CDH1: variants seen among roughly 807,000 people sequenced by gnomAD.
The protein encoded by CDH1 is cadherin-1.
CDH1 carries 35 observed loss-of-function variants against 84.5 expected under a neutral mutation model. The ratio of observed to expected loss-of-function variants is 0.41; its 90% CI spans 0.32 to 0.55. CDH1 has a LOEUF of 0.55. CDH1 is among the 20% of genes least tolerant of loss of function. The pLI is 0.19. For missense variants in CDH1, 994 were observed against 1,126.6 expected, an observed-to-expected ratio of 0.88 and a Z score of 1.68; for synonymous variants, 417 against 439.0, an observed-to-expected ratio of 0.95 and a Z score of 0.63.
intron 2 of CDH1, among the ~76,000 whole-genome samples, chr16:68,762,237 G>A (rs1348510670): frequency 6.6e-6 from 1 of 152,114 alleles, no homozygotes; most frequent in Non-Finnish European, 1.5e-5. Context: ...CATCTTCGTT[G>A]TTGCTACCTC....
chr16:68,742,380 A>T (rs1375052146), intron 2 of CDH1: 1 of 151,830 alleles, frequency 6.6e-6, no homozygotes, highest in Non-Finnish European at 1.5e-5. Context: ...CCCAGGTTCC[A>T]GTGATTCTCC....
At chr16:68,773,190 C>T (rs143953450) in intron 2 of CDH1, among the ~76,000 whole-genome samples, 365 of 152,032 alleles carry the variant, frequency 2.4e-3, no homozygotes, top group Middle Eastern at 6.9e-3. Context: ...TGTGTGTTCC[C>T]GTGCTTCAGC....
rs140804508 is a variant in CDH1 at position 68,759,511 on chromosome 16, A to G, written c.163+21100A>G. On this transcript the variant is annotated intron_variant, in intron 2 of 15. Transcript: ENST00000261769. Reference sequence around the variant, plus strand: ...TCTTTTTTTTTTTTTTTTGGTTGAGATGGAATTTTGCTCTGTTGCCTGGGC... The same window carrying G: ...TCTTTTTTTTTTTTTTTTGGTTGAGGTGGAATTTTGCTCTGTTGCCTGGGC... Among the ~76,000 whole-genome samples the G allele has an allele frequency of 6.8e-4, 90 of 132,638 alleles. 1 individual carries two copies. The East Asian group carries it at 0.019, about 28-fold the overall frequency. The allele number at this position is 132,638 out of a possible 152,430, so 87.0% of individuals were successfully genotyped here.
chr16:68,738,502 GGGCA>G lies in CDH1; in HGVS notation c.163+92_163+95del, dbSNP rs1306786059. 10 of 810,238 alleles carry G rather than the reference GGGCA, an allele frequency of 1.2e-5. No homozygotes were observed. In the African/African-American group the frequency reaches 1.6e-4, roughly 13 times the overall value. The allele number at this position is 810,238 out of a possible 1,614,324, so 50.2% of individuals were successfully genotyped here. A position where few individuals can be genotyped will look rare whatever the true frequency, so the allele number is the denominator to read the frequency against. On this transcript the variant is annotated intron_variant, in intron 2 of 15. Transcript: ENST00000261769. Reference sequence around the variant, plus strand: ...CACTCCCACACCCCTGGGTTGCAATGGGCAAGCTCCCTCCTTGGCTCAAACGACA... The same window carrying G: ...CACTCCCACACCCCTGGGTTGCAATGAGCTCCCTCCTTGGCTCAAACGACA...
chr16:68,761,202 G>C (rs1230162293), intron 2 of CDH1, among the ~76,000 whole-genome samples: 2 of 152,206 alleles, frequency 1.3e-5, no homozygotes, highest in Non-Finnish European at 2.9e-5. Context: ...AGGCTAGCAA[G>C]CTGGGAGAAC....
At position 68,801,857 on chromosome 16, in the gene CDH1, T is replaced by C. The variant is rs1555514475; in HGVS notation, c.351T>C (p.Asn117=). ...YRKFSTKVTL[N]TVGHHHRPPP... is the part of the protein sequence containing the mutation. ...AGTTTTCCACCAAAGTCACGCTGAA[T>C]ACAGTGGGGCACCACCACCGCCCCC... Residue 117 remains asparagine, a synonymous_variant, in exon 3 of 16, where the codon AAT becomes AAC. Coordinates refer to ENST00000261769, the MANE Select transcript of CDH1 (RefSeq NM_004360.5). 1 of 1,614,222 alleles carries C rather than the reference T, an allele frequency of 6.2e-7. No homozygotes were observed. Among genetic ancestry groups the C allele is most frequent in the Non-Finnish European group, 8.5e-7 (1 of 1,180,036 alleles).
rs552242888 is a variant in CDH1, at chr16:68,757,475, C to T, written c.163+19064C>T. Among the ~76,000 whole-genome samples the T allele has an allele frequency of 7.9e-5, 12 of 152,270 alleles. No individual in the cohort carries two copies. The South Asian group carries it at 2.1e-3, about 26-fold the overall frequency. On this transcript the variant is annotated intron_variant, in intron 2 of 15. Transcript: ENST00000261769. ...TTTTTCATTCTTCTTTCTGCTAATC[C>T]TCTCACTTCCACCATGGGAGTGTTT...
intron 2 of CDH1, among the ~76,000 whole-genome samples, chr16:68,753,495 T>C (rs978093264): frequency 6.6e-6 from 1 of 151,816 alleles, no homozygotes; most frequent in African/African-American, 2.4e-5. Flanking sequence ...TTAGCCACCA[T>C]GCCCGGCTAA....
Position 68,834,234 on chromosome 16 carries a change from A to G in CDH1, c.*735A>G. ...CTCCCAGAGTATTGGGATTACAGAC[A>G]TGAGCCACTGCACCTGCCCAGCTCC... On this transcript the variant is annotated 3_prime_UTR_variant, in exon 16 of 16. Coordinates refer to ENST00000261769, the MANE Select transcript of CDH1 (RefSeq NM_004360.5). The G allele has an allele frequency of 3.9e-6, 2 of 506,336 alleles. No individual in the cohort carries two copies. Among genetic ancestry groups the G allele is most frequent in the South Asian group, 3.1e-5 (2 of 64,940 alleles). 31.4% of individuals were successfully genotyped at this position (506,336 alleles called of 1,614,324 possible).
At chr16:68,798,910 T>C (rs1472594257) in intron 2 of CDH1, among the ~76,000 whole-genome samples, 1 of 152,216 alleles carries the variant, frequency 6.6e-6, no homozygotes, top group Non-Finnish European at 1.5e-5. Flanking sequence ...TTCATCATCT[T>C]ATGGCTCAGC....
At chr16:68,810,116 C>A (rs748002263) in intron 5 of CDH1, 81 bp from the exon 6 acceptor site, 1 of 1,470,954 alleles carries the variant, frequency 6.8e-7, no homozygotes, top group Non-Finnish European at 9.5e-7. Context: ...GCCAGGGGGG[C>A]GCACTCTGCT....
At chr16:68,801,132 G>A (rs575877955) in intron 2 of CDH1, among the ~76,000 whole-genome samples, 29 of 152,104 alleles carry the variant, frequency 1.9e-4, no homozygotes, top group African/African-American at 5.3e-4. Flanking sequence ...TATTTTTTGA[G>A]ATGGAGTCTC....
chr16:68,794,853 T>A (rs1160751754), intron 2 of CDH1, among the ~76,000 whole-genome samples: 1 of 48,916 alleles, frequency 2.0e-5, no homozygotes, highest in Non-Finnish European at 4.1e-5. Context: ...TGCCCAGCTA[T>A]TTTTTTTTTT....
chr16:68,778,061 T>C (rs1959782776), intron 2 of CDH1, among the ~76,000 whole-genome samples: 1 of 151,532 alleles, frequency 6.6e-6, no homozygotes, highest in African/African-American at 2.4e-5. Context: ...TATTTATTTA[T>C]TTTTGAGACG....
chr16:68,772,330 A>C (rs1257699412), intron 2 of CDH1, among the ~76,000 whole-genome samples: 1 of 152,110 alleles, frequency 6.6e-6, no homozygotes, highest in Non-Finnish European at 1.5e-5. Flanking sequence ...CTTCCTCTCT[A>C]ATTTATGGTT....
chr16:68,741,827 A>C (rs1962570900), intron 2 of CDH1, among the ~76,000 whole-genome samples: 1 of 152,076 alleles, frequency 6.6e-6, no homozygotes, highest in Non-Finnish European at 1.5e-5. Flanking sequence ...TTGCAGGCAC[A>C]TGCCACCATG....
chr16:68,830,397 A>G (rs1462402314), intron 15 of CDH1, among the ~76,000 whole-genome samples: 2 of 152,152 alleles, frequency 1.3e-5, no homozygotes, highest in African/African-American at 4.8e-5. Flanking sequence ...AGTAAATTTC[A>G]TTTTAGTTTC....
At chr16:68,832,688 C>T (rs753568108) in intron 15 of CDH1, among the ~76,000 whole-genome samples, 2 of 151,036 alleles carry the variant, frequency 1.3e-5, no homozygotes, top group East Asian at 2.0e-4. Flanking sequence ...GGCATGGTGG[C>T]GCATGCCTGT....
chr16:68,784,106 TG>T (rs1448091036), intron 2 of CDH1, among the ~76,000 whole-genome samples: 1 of 152,216 alleles, frequency 6.6e-6, no homozygotes, highest in East Asian at 1.9e-4. Context: ...TCCGTATATC[TG>T]CCCTGATGCA....
Sources: gnomAD v4.1 joint callset for allele counts (sites outside exome capture counted in the v4.1 genomes callset) on GRCh38, gnomAD v4.1.1 for gene constraint, MANE v1.5 for transcripts, NCBI Gene and HGNC (gene_info 2026-07-23, HGNC 2026-07-21) for gene names.